The following SPATA13 variants were observed in gnomAD, a reference collection of about 807,000 sequenced individuals.
The protein encoded by SPATA13 is spermatogenesis associated 13, also known as spermatogenesis-associated protein 13.
SPATA13 carries 50 observed loss-of-function variants against 104.0 expected under a neutral mutation model. That is an observed-to-expected ratio of 0.48 (90% CI 0.38 to 0.61). SPATA13 has a LOEUF of 0.61. Ranked by LOEUF, SPATA13 falls within the 20% of genes least tolerant of loss-of-function variation. The pLI, the probability that SPATA13 is intolerant of heterozygous loss-of-function variation, is 0.00. For missense variants in SPATA13, 1,524 were observed against 1,690.6 expected (o/e 0.90, Z 1.73); for synonymous variants, 606 against 667.5 (o/e 0.91, Z 1.42).
At chr13:24,212,947 G>GCC (rs1310108759) in intron 1 of SPATA13, among the ~76,000 whole-genome samples, 1 of 152,254 alleles carries the variant, frequency 6.6e-6, no homozygotes, top group Non-Finnish European at 1.5e-5. Flanking sequence ...TAGGCATGTG[G>GCC]CCGGTGGTTT....
At chr13:24,249,404 G>A in intron 2 of SPATA13, 73 bp from the exon 3 acceptor site, 1 of 1,443,748 alleles carries the variant, frequency 6.9e-7, no homozygotes, top group Non-Finnish European at 9.1e-7. Context: ...GTGGTGAGAG[G>A]GAATGTATGG....
chr13:24,216,368 C>T (rs1871261032), intron 1 of SPATA13, among the ~76,000 whole-genome samples: 1 of 152,224 alleles, frequency 6.6e-6, no homozygotes, highest in Admixed American at 6.5e-5. Context: ...ATTGGGGAAA[C>T]ACCATTCTCA....
chr13:24,294,365 G>A (rs987245935), intron 9 of SPATA13, among the ~76,000 whole-genome samples: 11 of 152,198 alleles, frequency 7.2e-5, no homozygotes, highest in African/African-American at 2.7e-4. Context: ...ACTTTATGTA[G>A]CAAGAGTGGT....
chr13:24,070,273 C>T (rs35892461), intron 3 of SPATA13, among the ~76,000 whole-genome samples: 6,638 of 152,228 alleles, frequency 0.044, 239 homozygotes, highest in Non-Finnish European at 0.066. Flanking sequence ...CAGAAATGTC[C>T]GAGGAAATTA....
chr13:24,227,633 C>T (rs893888533), intron 2 of SPATA13, among the ~76,000 whole-genome samples: 3 of 152,170 alleles, frequency 2.0e-5, no homozygotes, highest in East Asian at 1.9e-4. Context: ...TGCAGTGGTG[C>T]GATCTTGGCT....
In SPATA13 at chr13:24,088,356, C is replaced by T. The variant is rs532463116; in HGVS notation, c.-112+70655C>T. 7.2e-5 allele frequency among the ~76,000 whole-genome samples: 11 copies of T among 152,270 alleles called. No homozygotes were observed. The highest frequency in any genetic ancestry group is 2.4e-4 in the African/African-American group (10 of 41,566). On this transcript the variant is annotated intron_variant, in intron 3 of 14. Transcript: ENST00000424834. This position sits in a 1 kb window ranked among gnomAD's most constrained non-coding sequence, Gnocchi z 4.3. ...CTGAATTGGGATTAGAACATAAACC[C>T]AGCTGACTTCAAGTTCTGAACCCTG...
At position 24,297,629 on chromosome 13, in the gene SPATA13, C is replaced by A; in HGVS notation, c.3477C>A (p.Thr1159=). 3 of 1,614,204 alleles carry A rather than the reference C, an allele frequency of 1.9e-6. No individual in the cohort carries two copies. The South Asian group carries it at 3.3e-5, about 18-fold the overall frequency. The change falls in exon 11 of 13, where the codon ACC becomes ACA. Residue 1159 remains threonine (T), a synonymous_variant. Coordinates refer to ENST00000382108, the MANE Select transcript of SPATA13 (RefSeq NM_001166271.3). ...ATGCCTTCAAGCTCGTCAGTAGGAC[C>A]ACAGACGAGGTTTATTTGTTTTGTG... ...VKNAFKLVSR[T]TDEVYLFCAK...
chr13:24,113,868 C>CAAAAAA (rs958434459), intron 3 of SPATA13, among the ~76,000 whole-genome samples: 37 of 56,008 alleles, frequency 6.6e-4, no homozygotes, highest in African/African-American at 1.2e-3. Flanking sequence ...GACTCGATCT[C>CAAAAAA]AAAAAAAAAA....
intron 1 of SPATA13, among the ~76,000 whole-genome samples, chr13:24,197,226 T>C (rs909530865): frequency 6.6e-6 from 1 of 152,182 alleles, no homozygotes; most frequent in East Asian, 1.9e-4. Flanking sequence ...TGTGATGGAA[T>C]AGTCAAGTAT....
chr13:24,207,641 A>G (rs1460365559), intron 1 of SPATA13, among the ~76,000 whole-genome samples: 2 of 152,300 alleles, frequency 1.3e-5, no homozygotes, highest in South Asian at 2.1e-4. Flanking sequence ...TGAAGTGGCT[A>G]GTGTTGTTTT....
chr13:24,177,302 G>T (rs1868493094), intron 1 of SPATA13, among the ~76,000 whole-genome samples: 3 of 152,108 alleles, frequency 2.0e-5, no homozygotes, highest in South Asian at 4.1e-4. Context: ...AGTGTGTCTG[G>T]CTGTGCCTGG....
At position 24,276,395 on chromosome 13, in the gene SPATA13, A is replaced by G. The variant is rs946787467; in HGVS notation, c.2165-7740A>G. The stretch of plus-strand genomic sequence containing the variant: ...AAGGACATTATGCTTAGTGAAATGA[A>G]CCAGCCATAAAAGGACATATACTGT... On this transcript the variant is annotated intron_variant, in intron 4 of 12. Transcript: ENST00000382108. 3.3e-5 allele frequency among the ~76,000 whole-genome samples: 5 copies of G among 152,148 alleles called. No individual in the cohort carries two copies. In the East Asian group the frequency reaches 9.7e-4, roughly 29 times the overall value.
chr13:24,018,687 T>C (rs1165195078), intron 3 of SPATA13, among the ~76,000 whole-genome samples: 1 of 152,230 alleles, frequency 6.6e-6, no homozygotes, highest in African/African-American at 2.4e-5. Flanking sequence ...ACCATAGGCC[T>C]CACCTAACAT....
At chr13:24,282,879 A>T (rs933891144) in intron 4 of SPATA13, among the ~76,000 whole-genome samples, 2 of 152,232 alleles carry the variant, frequency 1.3e-5, no homozygotes, top group Admixed American at 6.5e-5. Flanking sequence ...GAAGGGCAGG[A>T]CCAGAATTCA....
chr13:24,141,771 C>A (rs116933171), intron 3 of SPATA13, among the ~76,000 whole-genome samples: 2 of 152,178 alleles, frequency 1.3e-5, no homozygotes, highest in South Asian at 2.1e-4. Context: ...TAAGAAAGAT[C>A]GAGAGCTATC....
rs563578336 is a variant in SPATA13, at chr13:24,077,500, A to C, written c.-112+59799A>C. ...GGGGGAAGAAGGGAGTGGGTGAGGG[A>C]AGAAAAATTTCCTATCAGGTACAAT... On this transcript the variant is annotated intron_variant, in intron 3 of 14. Coordinates refer to the SPATA13 transcript ENST00000424834. 2.6e-5 allele frequency among the ~76,000 whole-genome samples: 4 copies of C among 152,206 alleles called. No individual in the cohort carries two copies. The East Asian group carries it at 7.7e-4, about 29-fold the overall frequency.
At chr13:23,987,681 G>A (rs369365157) in intron 2 of SPATA13, among the ~76,000 whole-genome samples, 2 of 152,148 alleles carry the variant, frequency 1.3e-5, no homozygotes, top group South Asian at 2.1e-4. Context: ...CAGTTCAGCG[G>A]CATTCAGCAC....
chr13:24,036,512 C>CA (rs1877688236), intron 3 of SPATA13, among the ~76,000 whole-genome samples: 1 of 152,156 alleles, frequency 6.6e-6, no homozygotes, highest in Admixed American at 6.6e-5. Context: ...CTGGAACAGA[C>CA]ACCTGAACGT....
chr13:24,244,513 A>C (rs1426449954), intron 2 of SPATA13, among the ~76,000 whole-genome samples: 3 of 152,228 alleles, frequency 2.0e-5, no homozygotes, highest in Non-Finnish European at 4.4e-5. Context: ...GCAGAGTAAA[A>C]TATGAAATCT....
Sources: allele counts gnomAD v4.1 joint callset (sites outside exome capture counted in the v4.1 genomes callset), GRCh38; gene constraint gnomAD v4.1.1; non-coding constraint Gnocchi (gnomAD v3.1); transcripts MANE v1.5; gene names NCBI Gene and HGNC (gene_info 2026-07-23, HGNC 2026-07-21).